NPY2R: variants seen among roughly 807,000 people sequenced by gnomAD.
NPY2R encodes neuropeptide Y receptor Y2.
Under a neutral mutation model 22.3 loss-of-function variants are expected in NPY2R, and 17 were observed. The observed-to-expected ratio is 0.76, with a 90% CI of 0.52 to 1.14. NPY2R has a LOEUF of 1.14. Ranked by LOEUF, NPY2R falls within the 50% of genes most tolerant of loss-of-function variation. The pLI, the probability that NPY2R is intolerant of heterozygous loss-of-function variation, is 0.00. For synonymous variants in NPY2R, 209 were observed against 183.4 expected (o/e 1.14, Z -1.13); for missense variants, 424 against 467.9 (o/e 0.91, Z 0.87).
At chr4:155,193,196 A>G in the NPY2R span, among the ~76,000 whole-genome samples, 1 of 151,920 alleles carries the variant, frequency 6.6e-6, no homozygotes, top group Non-Finnish European at 1.5e-5. Context: ...ATATATATAT[A>G]CGGTCCCATC....
chr4:155,210,390 C>A (rs963895442), intron 1 of NPY2R, among the ~76,000 whole-genome samples: 3 of 152,104 alleles, frequency 2.0e-5, no homozygotes, highest in Middle Eastern at 3.2e-3. Context: ...AAAAGCAAAG[C>A]AAATCAAAAA....
chr4:155,197,783 C>A, the NPY2R span, among the ~76,000 whole-genome samples: 1 of 151,796 alleles, frequency 6.6e-6, no homozygotes, highest in African/African-American at 2.4e-5. Flanking sequence ...CATGGTGCCC[C>A]CCAGGCCAAA....
chr4:155,202,395 C>T, the NPY2R span, among the ~76,000 whole-genome samples: 1 of 152,112 alleles, frequency 6.6e-6, no homozygotes, highest in African/African-American at 2.4e-5. Flanking sequence ...TATTTAAAAG[C>T]CTGTGTACCC....
intron 1 of NPY2R, 72 bp from the exon 2 acceptor site, chr4:155,213,820 C>A: frequency 1.2e-6 from 1 of 846,216 alleles, no homozygotes; most frequent in Non-Finnish European, 2.0e-6. Context: ...TTCTTTGCTT[C>A]ACCTTTGTGT....
Position 155,215,098 on chromosome 4 carries a change from GT to G in NPY2R, c.*14del, listed in dbSNP as rs768804694. ...TACCAATGTCTAAGGAAGCTGTGGT[GT>G]GAAAATGTATGGATGAATTCTGACC... On this transcript the variant is annotated 3_prime_UTR_variant, in exon 2 of 2. Coordinates refer to ENST00000329476, the MANE Select transcript of NPY2R (RefSeq NM_000910.4). 3.7e-6 allele frequency: 6 copies of G among 1,610,518 alleles called. 1 individual carries two copies. The South Asian group carries it at 6.6e-5, about 18-fold the overall frequency.
the NPY2R span, among the ~76,000 whole-genome samples, chr4:155,184,344 T>G: frequency 6.6e-6 from 1 of 152,220 alleles, no homozygotes. Flanking sequence ...TACCTATTCT[T>G]ACTAGACTAG....
At chr4:155,176,346 T>C in the NPY2R span, among the ~76,000 whole-genome samples, 1 of 152,122 alleles carries the variant, frequency 6.6e-6, no homozygotes, top group Non-Finnish European at 1.5e-5. Context: ...TTTCCCTCCA[T>C]CTCTCAGTCT....
chr4:155,185,834 G>A, the NPY2R span, among the ~76,000 whole-genome samples: 2 of 152,136 alleles, frequency 1.3e-5, no homozygotes, highest in South Asian at 2.1e-4. Flanking sequence ...TTTTAAGAAA[G>A]CATAAAAGGC....
At chr4:155,195,569 C>A in the NPY2R span, among the ~76,000 whole-genome samples, 1 of 151,780 alleles carries the variant, frequency 6.6e-6, no homozygotes, top group Non-Finnish European at 1.5e-5. Flanking sequence ...TAAATATAAT[C>A]TTAGTATTAT....
rs1406336319 is a variant in NPY2R at position 155,216,435 on chromosome 4, A to G, written c.*1350A>G. On this transcript the variant is annotated 3_prime_UTR_variant, in exon 2 of 2. Coordinates refer to ENST00000329476, the MANE Select transcript of NPY2R (RefSeq NM_000910.4). ...AAAATAACAACTGAGATGTTAAAAT[A>G]GTCATACGTCTTTAGATGCTATTAA... The G allele has an allele frequency of 1.2e-5, 2 of 166,902 alleles. No individual in the cohort carries two copies. The highest frequency in any genetic ancestry group is 1.9e-4 in the East Asian group (1 of 5,204). The allele number at this position is 166,902 out of a possible 1,614,324, so 10.3% of individuals were successfully genotyped here.
the NPY2R span, among the ~76,000 whole-genome samples, chr4:155,175,813 T>G: frequency 7.0e-6 from 1 of 143,110 alleles, no homozygotes; most frequent in Non-Finnish European, 1.5e-5. Flanking sequence ...AGAAAAGAAA[T>G]AAATAAAGAA....
At chr4:155,174,485 T>TA in the NPY2R span, among the ~76,000 whole-genome samples, 1,819 of 41,080 alleles carry the variant, frequency 0.044, 30 homozygotes, top group African/African-American at 0.074. Context: ...TATATATATA[T>TA]TTTTTTTTTT....
chr4:155,196,872 G>A, the NPY2R span, among the ~76,000 whole-genome samples: 1 of 151,876 alleles, frequency 6.6e-6, no homozygotes. Flanking sequence ...AGGCTATAGA[G>A]TTTGAGGGAA....
chr4:155,210,772 G>A (rs1729387518), intron 1 of NPY2R, among the ~76,000 whole-genome samples: 1 of 152,156 alleles, frequency 6.6e-6, no homozygotes, highest in Non-Finnish European at 1.5e-5. Context: ...ATGTCTCTCT[G>A]TATAGTAAGG....
chr4:155,213,649 C>T (rs1729448677), intron 1 of NPY2R, among the ~76,000 whole-genome samples: 1 of 152,132 alleles, frequency 6.6e-6, no homozygotes, highest in African/African-American at 2.4e-5. Flanking sequence ...TTATACTTTA[C>T]CGTCATAGCA....
the NPY2R span, among the ~76,000 whole-genome samples, chr4:155,174,484 A>ATATATATATATATATATATATATT: frequency 6.7e-4 from 71 of 106,024 alleles, 1 homozygote; most frequent in East Asian, 2.9e-3. Flanking sequence ...ATATATATAT[A>ATATATATATATATATATATATATT]TTTTTTTTTT....
chr4:155,212,356 A>G (rs534185190), intron 1 of NPY2R, among the ~76,000 whole-genome samples: 2 of 152,362 alleles, frequency 1.3e-5, no homozygotes, highest in South Asian at 4.1e-4. Context: ...AATTGTTTCA[A>G]ACAATCTGGA....
At chr4:155,203,125 C>T in the NPY2R span, among the ~76,000 whole-genome samples, 8 of 152,158 alleles carry the variant, frequency 5.3e-5, 1 homozygote, top group Admixed American at 2.0e-4. Flanking sequence ...TATAATCCTG[C>T]TTAATTGCTT....
At chr4:155,179,568 A>T in the NPY2R span, among the ~76,000 whole-genome samples, 1 of 151,942 alleles carries the variant, frequency 6.6e-6, no homozygotes, top group Non-Finnish European at 1.5e-5. Flanking sequence ...AGTCTTTTCA[A>T]CTCTGGTTAG....
Sources: gnomAD v4.1 joint callset for allele counts (sites outside exome capture counted in the v4.1 genomes callset) on GRCh38, gnomAD v4.1.1 for gene constraint, MANE v1.5 for transcripts, NCBI Gene and HGNC (gene_info 2026-07-23, HGNC 2026-07-21) for gene names.